ARMC9: variants seen among roughly 807,000 people sequenced by gnomAD.
The protein encoded by ARMC9 is lisH domain-containing protein ARMC9.
ARMC9 carries 94 observed loss-of-function variants against 107.0 expected under a neutral mutation model. That is an observed-to-expected ratio of 0.88 (90% CI 0.74 to 1.04). The LOEUF is 1.04. Among genes scored for constraint, ARMC9 ranks in the 50% least tolerant of loss-of-function variants. The pLI, the probability that ARMC9 is intolerant of heterozygous loss-of-function variation, is 0.00. For synonymous variants in ARMC9, 380 were observed against 396.9 expected, an observed-to-expected ratio of 0.96 and a Z score of 0.51; for missense variants, 942 against 1,030.1, an observed-to-expected ratio of 0.91 and a Z score of 1.17.
chr2:231,333,308 G>A (rs193112218), intron 20 of ARMC9, among the ~76,000 whole-genome samples: 53 of 152,256 alleles, frequency 3.5e-4, no homozygotes, highest in Non-Finnish European at 5.4e-4. Context: ...GAAGTGACTC[G>A]GTTTGACTCA....
intron 9 of ARMC9, 58 bp from the exon 10 acceptor site, chr2:231,256,528 C>T: frequency 1.3e-6 from 2 of 1,578,634 alleles, no homozygotes; most frequent in Non-Finnish European, 1.7e-6. Flanking sequence ...GATTTGGGAT[C>T]CGTGCATTGC....
chr2:231,240,819 T>C (rs932496796), intron 9 of ARMC9, among the ~76,000 whole-genome samples: 4 of 152,224 alleles, frequency 2.6e-5, no homozygotes, highest in Admixed American at 2.6e-4. Flanking sequence ...CTTAGCCTCT[T>C]CTAATCTTGA....
Position 231,374,923 on chromosome 2 carries a change from C to T in ARMC9, c.*3388C>T, listed in dbSNP as rs2046151483. ...CTCCTGGCCTAGAATCTGGGGGATC[C>T]TCCTGTCCCTCCCACAGTGCCTGAT... On this transcript the variant is annotated 3_prime_UTR_variant, in exon 25 of 25. Transcript: ENST00000611582. 6.6e-6 allele frequency: 1 copy of T among 152,190 alleles called. No individual in the cohort carries two copies. Among genetic ancestry groups the T allele is most frequent in the African/African-American group, 2.4e-5 (1 of 41,426 alleles). The allele number at this position is 152,190 out of a possible 1,614,324, so 9.4% of individuals were successfully genotyped here. A position where few individuals can be genotyped will look rare whatever the true frequency, so the allele number is the denominator to read the frequency against.
intron 19 of ARMC9, among the ~76,000 whole-genome samples, chr2:231,303,345 A>G (rs963936471): frequency 3.9e-5 from 6 of 152,010 alleles, no homozygotes; most frequent in Non-Finnish European, 7.4e-5. Flanking sequence ...GCTATCCTTT[A>G]TTTTCTTGCC....
intron 16 of ARMC9, among the ~76,000 whole-genome samples, chr2:231,279,425 A>G (rs1398569700): frequency 6.6e-6 from 1 of 152,078 alleles, no homozygotes; most frequent in Non-Finnish European, 1.5e-5. Flanking sequence ...ACCCAGGGGT[A>G]TATCTGAGCA....
intron 19 of ARMC9, among the ~76,000 whole-genome samples, chr2:231,312,834 G>A (rs991233937): frequency 1.3e-5 from 2 of 152,098 alleles, no homozygotes; most frequent in Admixed American, 6.5e-5. Flanking sequence ...GAACTAATCT[G>A]TATATTATCC....
At chr2:231,262,679 G>A (rs1488127743) in intron 12 of ARMC9, among the ~76,000 whole-genome samples, 2 of 152,024 alleles carry the variant, frequency 1.3e-5, no homozygotes, top group Non-Finnish European at 2.9e-5. Context: ...CTTACCATGA[G>A]TCCTGAAAAC....
chr2:231,282,817 A>AACC (rs1336682859), intron 17 of ARMC9, among the ~76,000 whole-genome samples: 1 of 152,254 alleles, frequency 6.6e-6, no homozygotes, highest in Non-Finnish European at 1.5e-5. Context: ...CTTATTTAAG[A>AACC]ACCATTCTAT....
chr2:231,219,698 T>A (rs10202295), intron 5 of ARMC9, among the ~76,000 whole-genome samples: 1 of 151,986 alleles, frequency 6.6e-6, no homozygotes, highest in African/African-American at 2.4e-5. Flanking sequence ...AATTAGTATC[T>A]CTTTGTATAG....
intron 19 of ARMC9, among the ~76,000 whole-genome samples, chr2:231,298,626 A>C (rs2041528046): frequency 6.6e-6 from 1 of 152,212 alleles, no homozygotes; most frequent in South Asian, 2.1e-4. Context: ...GTTTTCAGTT[A>C]GCTGCTTAGC....
intron 9 of ARMC9, among the ~76,000 whole-genome samples, chr2:231,240,380 AG>A (rs1020991449): frequency 4.6e-5 from 7 of 152,344 alleles, no homozygotes; most frequent in African/African-American, 1.7e-4. Flanking sequence ...GGTCTAAAGC[AG>A]GGACACTTTT....
intron 14 of ARMC9, 97 bp downstream of exon 14, chr2:231,273,175 C>A: frequency 6.8e-7 from 1 of 1,479,044 alleles, no homozygotes; most frequent in Non-Finnish European, 9.1e-7. Context: ...TTTTCCACTA[C>A]ACTTTGGAGA....
chr2:231,214,260 A>G (rs2033240334), intron 3 of ARMC9, among the ~76,000 whole-genome samples: 1 of 152,154 alleles, frequency 6.6e-6, no homozygotes, highest in African/African-American at 2.4e-5. Context: ...TTATGGTATA[A>G]TGGGGTCTGT....
Position 231,358,349 on chromosome 2 carries a change from C to CG in ARMC9, c.2132-2405_2132-2404insG, listed in dbSNP as rs2045424333. On this transcript the variant is annotated intron_variant, in intron 22 of 24. Coordinates refer to ENST00000611582, the MANE Select transcript of ARMC9 (RefSeq NM_001352754.2). This position sits in a 1 kb window ranked among gnomAD's most constrained non-coding sequence, Gnocchi z 4.5. ...GCTTCTCCATCCCTCCCCTCCACTT[C>CG]AATTGATTGATTGATTGATTGATTG... Among the ~76,000 whole-genome samples the CG allele has an allele frequency of 7.4e-6, 1 of 135,496 alleles. No homozygotes were observed. The highest frequency in any genetic ancestry group is 3.8e-5 in the African/African-American group (1 of 26,452). The allele number at this position is 135,496 out of a possible 152,430, so 88.9% of individuals were successfully genotyped here.
At chr2:231,256,856 G>A (rs952935423) in intron 10 of ARMC9, among the ~76,000 whole-genome samples, 1 of 152,044 alleles carries the variant, frequency 6.6e-6, no homozygotes, top group Admixed American at 6.6e-5. Context: ...ACAGAGTTTC[G>A]CTCTTGTTGC....
intron 4 of ARMC9, among the ~76,000 whole-genome samples, chr2:231,216,436 T>A (rs1182840884): frequency 6.6e-6 from 1 of 152,170 alleles, no homozygotes; most frequent in Non-Finnish European, 1.5e-5. Context: ...TATATATAGT[T>A]GTCTGATCTT....
At chr2:231,200,639 C>T (rs2030740249) in intron 1 of ARMC9, among the ~76,000 whole-genome samples, 1 of 151,954 alleles carries the variant, frequency 6.6e-6, no homozygotes, top group Admixed American at 6.6e-5. Context: ...CACCTTTGCA[C>T]TCCAGCCTGG....
chr2:231,328,995 T>G (rs2043539296), intron 19 of ARMC9, among the ~76,000 whole-genome samples: 1 of 151,554 alleles, frequency 6.6e-6, no homozygotes, highest in African/African-American at 2.4e-5. Context: ...TTTTTGTATT[T>G]TTTAGTAGAG....
intron 23 of ARMC9, among the ~76,000 whole-genome samples, chr2:231,361,479 GA>G (rs1227600206): frequency 7.6e-6 from 1 of 131,706 alleles, no homozygotes; most frequent in Non-Finnish European, 1.6e-5. Context: ...AAAAAGAAAA[GA>G]AAAAACTGGA....
Sources: gnomAD v4.1 joint callset for allele counts (sites outside exome capture counted in the v4.1 genomes callset) on GRCh38, gnomAD v4.1.1 for gene constraint, Gnocchi (gnomAD v3.1) non-coding constraint, MANE v1.5 for transcripts, NCBI Gene and HGNC (gene_info 2026-07-23, HGNC 2026-07-21) for gene names.